XKR9: variants seen among roughly 807,000 people sequenced by gnomAD.
The protein encoded by XKR9 is XK-related protein 9.
In XKR9, 32 loss-of-function variants were observed where a neutral mutation model predicts 32.0. The observed-to-expected ratio is 1.00, with a 90% CI of 0.76 to 1.34. The LOEUF (loss-of-function observed/expected upper bound fraction) is 1.34. Among genes scored for constraint, XKR9 ranks in the 40% most tolerant of loss-of-function variants. The pLI is 0.00. For synonymous variants in XKR9, 168 were observed against 143.4 expected, an observed-to-expected ratio of 1.17 and a Z score of -1.22; for missense variants, 546 against 429.7, an observed-to-expected ratio of 1.27 and a Z score of -2.39.
chr8:70,837,109 C>G, the XKR9 span, among the ~76,000 whole-genome samples: 1 of 152,046 alleles, frequency 6.6e-6, no homozygotes, highest in East Asian at 1.9e-4. Context: ...CTTTGTGTCT[C>G]AGTTGCACTC....
At chr8:70,782,470 C>T (rs1278091997) in intron 2 of XKR9, among the ~76,000 whole-genome samples, 2 of 151,818 alleles carry the variant, frequency 1.3e-5, no homozygotes, top group Non-Finnish European at 2.9e-5. Context: ...GTATGCACTA[C>T]GCTGCATACA....
At chr8:70,887,598 C>T in the XKR9 span, among the ~76,000 whole-genome samples, 4 of 152,040 alleles carry the variant, frequency 2.6e-5, no homozygotes, top group South Asian at 2.1e-4. Flanking sequence ...TCTTTTATTT[C>T]GTTGAGCAGT....
the XKR9 span, among the ~76,000 whole-genome samples, chr8:70,828,066 T>C: frequency 6.6e-6 from 1 of 152,226 alleles, no homozygotes; most frequent in Admixed American, 6.5e-5. Context: ...GTGGACATCA[T>C]GTAAGACACA....
the XKR9 span, among the ~76,000 whole-genome samples, chr8:70,886,050 C>T: frequency 6.6e-6 from 1 of 152,100 alleles, no homozygotes; most frequent in Non-Finnish European, 1.5e-5. Flanking sequence ...AGTCCCCTAC[C>T]CCCGCACAGG....
At position 70,683,783 on chromosome 8, in the gene XKR9, C is replaced by T. The variant is rs188848626; in HGVS notation, c.272+2453C>T. 3.9e-4 allele frequency among the ~76,000 whole-genome samples: 59 copies of T among 152,354 alleles called. No individual in the cohort carries two copies. The East Asian group carries it at 8.1e-3, about 21-fold the overall frequency. On this transcript the variant is annotated intron_variant, in intron 3 of 4. Transcript: ENST00000408926. Reference sequence around the variant, plus strand: ...GATTATAGGTGTGAGCCACCATGTTCGGCCCTAGAATTACTTTACTTCTGC... The same window carrying T: ...GATTATAGGTGTGAGCCACCATGTTTGGCCCTAGAATTACTTTACTTCTGC...
At chr8:70,719,992 T>C (rs1806222900) in intron 4 of XKR9, among the ~76,000 whole-genome samples, 1 of 152,194 alleles carries the variant, frequency 6.6e-6, no homozygotes, top group South Asian at 2.1e-4. Flanking sequence ...TGGTTTGTAG[T>C]TCTTTTTGAA....
chr8:70,861,740 C>G, the XKR9 span, among the ~76,000 whole-genome samples: 9 of 152,254 alleles, frequency 5.9e-5, no homozygotes, highest in African/African-American at 1.9e-4. Flanking sequence ...TTGAGCCTGG[C>G]ACTTCGTAAG....
At chr8:70,711,616 G>C (rs944965759) in intron 4 of XKR9, among the ~76,000 whole-genome samples, 5 of 151,626 alleles carry the variant, frequency 3.3e-5, no homozygotes, top group Non-Finnish European at 5.9e-5. Flanking sequence ...TAGACATCAG[G>C]GCTTACTTGA....
chr8:70,964,144 T>G, the XKR9 span, among the ~76,000 whole-genome samples: 22 of 152,166 alleles, frequency 1.4e-4, no homozygotes, highest in Non-Finnish European at 2.6e-4. Context: ...CTTTTTTGTA[T>G]AAGGTATAAG....
the XKR9 span, among the ~76,000 whole-genome samples, chr8:70,977,930 G>A: frequency 2.0e-5 from 3 of 152,188 alleles, no homozygotes. Flanking sequence ...TGTATTGGGT[G>A]CATGTATATT....
chr8:70,847,277 A>G, the XKR9 span, among the ~76,000 whole-genome samples: 1 of 152,056 alleles, frequency 6.6e-6, no homozygotes, highest in African/African-American at 2.4e-5. Flanking sequence ...AGGAAATTAA[A>G]AAATTTCTTA....
chr8:70,815,882 C>T, the XKR9 span, among the ~76,000 whole-genome samples: 1 of 152,006 alleles, frequency 6.6e-6, no homozygotes, highest in Non-Finnish European at 1.5e-5. Flanking sequence ...TTTTCTTTAT[C>T]CAGTCTATCA....
the XKR9 span, among the ~76,000 whole-genome samples, chr8:70,929,519 A>G: frequency 6.6e-6 from 1 of 152,216 alleles, no homozygotes; most frequent in African/African-American, 2.4e-5. Flanking sequence ...ATCAACGTGT[A>G]GGTCAGGCTG....
chr8:70,753,428 AT>A (rs1231622000), intron 2 of XKR9, among the ~76,000 whole-genome samples: 2 of 152,122 alleles, frequency 1.3e-5, no homozygotes, highest in African/African-American at 4.8e-5. Context: ...GGCCAGCATC[AT>A]CCGGATACCA....
chr8:70,882,552 AT>A, the XKR9 span, among the ~76,000 whole-genome samples: 5 of 151,910 alleles, frequency 3.3e-5, no homozygotes, highest in South Asian at 1.0e-3. Flanking sequence ...TGAGTTTAAA[AT>A]TTTTTCTTTA....
chr8:70,895,876 T>C, the XKR9 span, among the ~76,000 whole-genome samples: 1 of 149,338 alleles, frequency 6.7e-6, no homozygotes, highest in Non-Finnish European at 1.5e-5. Context: ...CGTGCATCTG[T>C]AATAGTCCCA....
downstream of XKR9, among the ~76,000 whole-genome samples, chr8:70,739,943 G>T (rs1271464399): frequency 6.6e-6 from 1 of 152,038 alleles, no homozygotes; most frequent in African/African-American, 2.4e-5. Flanking sequence ...ACAATTATGT[G>T]TCTTGGAGTT....
chr8:71,020,835 C>CTA, the XKR9 span, among the ~76,000 whole-genome samples: 15 of 152,156 alleles, frequency 9.9e-5, no homozygotes, highest in African/African-American at 3.6e-4. Context: ...CCCTACTTTG[C>CTA]TATCAAACAT....
chr8:70,848,764 C>CAAAAAAAAA, the XKR9 span, among the ~76,000 whole-genome samples: 1 of 116,804 alleles, frequency 8.6e-6, no homozygotes, highest in Admixed American at 8.7e-5. Flanking sequence ...AATGGAATGC[C>CAAAAAAAAA]AAAAAAAAAA....
Sources: allele counts gnomAD v4.1 joint callset (sites outside exome capture counted in the v4.1 genomes callset), GRCh38; gene constraint gnomAD v4.1.1; transcripts MANE v1.5; gene names NCBI Gene and HGNC (gene_info 2026-07-23, HGNC 2026-07-21).